MYO5B: variants seen among roughly 807,000 people sequenced by gnomAD.
MYO5B encodes myosin VB.
Under a neutral mutation model 229.3 loss-of-function variants are expected in MYO5B, and 143 were observed. That is an observed-to-expected ratio of 0.62 (90% CI 0.54 to 0.72). The LOEUF is 0.72. Ranked by LOEUF, MYO5B falls within the 30% of genes least tolerant of loss-of-function variation. The probability of loss-of-function intolerance (pLI) is 0.00; values close to 1 mark genes in which losing one functional copy is unlikely to be tolerated. For synonymous variants in MYO5B, 918 were observed against 885.2 expected (o/e 1.04, Z -0.66); for missense variants, 2,321 against 2,331.0 (o/e 1.00, Z 0.09).
intron 32 of MYO5B, 120 bp downstream of exon 32, chr18:49,849,447 A>T: frequency 1.2e-6 from 1 of 823,680 alleles, no homozygotes; most frequent in East Asian, 2.4e-5. Context: ...GACTGGGCAG[A>T]GCCACCAAGA....
intron 27 of MYO5B, among the ~76,000 whole-genome samples, chr18:49,870,221 T>C (rs1286547473): frequency 6.6e-6 from 1 of 152,206 alleles, no homozygotes; most frequent in African/African-American, 2.4e-5. Context: ...CAAATGGTGC[T>C]GGGAAACCGG....
intron 14 of MYO5B, among the ~76,000 whole-genome samples, chr18:49,948,127 A>G (rs1787291): frequency 0.23 from 35,350 of 152,162 alleles, 5,855 homozygotes; most frequent in African/African-American, 0.47. Flanking sequence ...ACACCTACTC[A>G]TTTGTGTTTA....
chr18:50,052,706 A>AAT, intron 2 of MYO5B, among the ~76,000 whole-genome samples: 1 of 5,130 alleles, frequency 1.9e-4, no homozygotes, highest in African/African-American at 3.4e-4. Flanking sequence ...AAAGTATAAT[A>AAT]AAAAAAAAAG....
chr18:50,191,846 A>G, intron 1 of MYO5B, among the ~76,000 whole-genome samples: 1 of 152,234 alleles, frequency 6.6e-6, no homozygotes, highest in East Asian at 1.9e-4. Flanking sequence ...AAGTTAAGTC[A>G]TCAGTTTGAA....
chr18:50,004,543 A>G (rs751123038), intron 4 of MYO5B, among the ~76,000 whole-genome samples: 1 of 152,152 alleles, frequency 6.6e-6, no homozygotes, highest in African/African-American at 2.4e-5. Flanking sequence ...CAGAGGTAAA[A>G]TGTCTGGAAA....
At chr18:50,178,159 G>A (rs1024904642) in intron 1 of MYO5B, among the ~76,000 whole-genome samples, 1 of 152,054 alleles carries the variant, frequency 6.6e-6, no homozygotes, top group Non-Finnish European at 1.5e-5. Flanking sequence ...GTGGGGAGAG[G>A]GTAGTTGTGG....
intron 1 of MYO5B, among the ~76,000 whole-genome samples, chr18:50,057,863 C>T (rs2030589991): frequency 1.3e-5 from 2 of 152,150 alleles, no homozygotes; most frequent in African/African-American, 2.4e-5. Flanking sequence ...AGACTCACCA[C>T]ATCAGAATCC....
chr18:49,883,999 T>C (rs1386480242), intron 22 of MYO5B, among the ~76,000 whole-genome samples: 2 of 152,188 alleles, frequency 1.3e-5, no homozygotes, highest in African/African-American at 4.8e-5. Context: ...GCTAAAACTA[T>C]AAAACTCTCA....
At chr18:49,856,343 T>C (rs2024262364) in intron 30 of MYO5B, among the ~76,000 whole-genome samples, 1 of 152,178 alleles carries the variant, frequency 6.6e-6, no homozygotes, top group African/African-American at 2.4e-5. Flanking sequence ...CACATACTGA[T>C]GGCAGGCTCT....
chr18:49,932,546 G>C (rs530944225), intron 16 of MYO5B, among the ~76,000 whole-genome samples: 2 of 152,148 alleles, frequency 1.3e-5, no homozygotes, highest in African/African-American at 4.8e-5. Flanking sequence ...GCCACTAACA[G>C]GTAGTGTTAC....
intron 15 of MYO5B, among the ~76,000 whole-genome samples, chr18:49,936,910 A>G (rs1269190616): frequency 6.6e-6 from 1 of 152,044 alleles, no homozygotes; most frequent in African/African-American, 2.4e-5. Flanking sequence ...CTCCTGATCC[A>G]CAGCTTCCTT....
chr18:49,942,778 T>C (rs1380560963), intron 14 of MYO5B, among the ~76,000 whole-genome samples: 2 of 152,154 alleles, frequency 1.3e-5, no homozygotes, highest in Non-Finnish European at 2.9e-5. Context: ...GACTGTAAAC[T>C]AGTTCAACCA....
chr18:49,964,354 T>C (rs1314445959), intron 10 of MYO5B, among the ~76,000 whole-genome samples: 1 of 141,732 alleles, frequency 7.1e-6, no homozygotes, highest in South Asian at 2.3e-4. Flanking sequence ...TTTTCATGCA[T>C]TTTTCTTAAA....
intron 26 of MYO5B, among the ~76,000 whole-genome samples, chr18:49,874,290 T>A (rs2024491445): frequency 6.6e-6 from 1 of 152,234 alleles, no homozygotes; most frequent in African/African-American, 2.4e-5. Context: ...ATTCCAAAAT[T>A]AGCTGGCATG....
chr18:50,085,446 A>T (rs1465359328), intron 1 of MYO5B, among the ~76,000 whole-genome samples: 7 of 151,990 alleles, frequency 4.6e-5, no homozygotes, highest in Non-Finnish European at 1.0e-4. Context: ...GAGAAATAGG[A>T]ACACTTTTAC....
chr18:50,144,856 C>T (rs981723475), intron 1 of MYO5B, among the ~76,000 whole-genome samples: 16 of 152,158 alleles, frequency 1.1e-4, no homozygotes, highest in African/African-American at 1.4e-4. Flanking sequence ...ACCACCCCTC[C>T]CCCAGATCAC....
At chr18:49,857,690 A>G (rs2024278995) in intron 29 of MYO5B, among the ~76,000 whole-genome samples, 1 of 152,124 alleles carries the variant, frequency 6.6e-6, no homozygotes, top group South Asian at 2.1e-4. Context: ...CTCTACATGC[A>G]AACTCTTTTG....
chr18:49,990,303 C>G (rs1390232739), intron 7 of MYO5B, 136 bp downstream of exon 7: 2 of 718,380 alleles, frequency 2.8e-6, no homozygotes, highest in Admixed American at 4.1e-5. Context: ...TTTAGAGAGG[C>G]CTAGGGGTTA....
intron 1 of MYO5B, among the ~76,000 whole-genome samples, chr18:50,057,328 A>G (rs1175623836): frequency 6.6e-6 from 1 of 152,248 alleles, no homozygotes; most frequent in Admixed American, 6.5e-5. Context: ...CCCTTCAGCC[A>G]GCATACCCAA....
Sources: allele counts gnomAD v4.1 joint callset (sites outside exome capture counted in the v4.1 genomes callset), GRCh38; gene constraint gnomAD v4.1.1; transcripts MANE v1.5; gene names NCBI Gene and HGNC (gene_info 2026-07-23, HGNC 2026-07-21).